The following KRT7 variants were observed in gnomAD, a reference collection of about 807,000 sequenced individuals.
KRT7 encodes the protein keratin, type II cytoskeletal 7.
KRT7 carries 50 observed loss-of-function variants against 42.8 expected under a neutral mutation model. The observed-to-expected ratio is 1.17, with a 90% CI of 0.93 to 1.48. The LOEUF (loss-of-function observed/expected upper bound fraction) is 1.48, where lower values mean the gene tolerates loss of function less well. KRT7 is among the 40% of genes most tolerant of loss of function. The pLI, the probability that KRT7 is intolerant of heterozygous loss-of-function variation, is 0.00. For missense variants in KRT7, 588 were observed against 637.6 expected (o/e 0.92, Z 0.84); for synonymous variants, 268 against 266.3 (o/e 1.01, Z -0.06).
downstream of KRT7, chr12:52,248,936 TG>T (rs1229759583): frequency 7.4e-6 from 4 of 540,206 alleles, no homozygotes; most frequent in African/African-American, 3.9e-5. Flanking sequence ...CCTGGTATCC[TG>T]GCTTCATGAG....
At chr12:52,249,439 T>TG (rs981623119), downstream of KRT7, 7 of 152,068 alleles carry the variant, frequency 4.6e-5, no homozygotes, top group Admixed American at 6.6e-5. Context: ...GTAGTGGTTG[T>TG]GGGGGGGAGG....
downstream of KRT7, chr12:52,252,394 C>T: frequency 6.2e-7 from 1 of 1,614,156 alleles, no homozygotes; most frequent in Non-Finnish European, 8.5e-7. Flanking sequence ...AGGGCACCCT[C>T]CAGCTCGGCC....
chr12:52,252,293 A>G (rs1942277117), downstream of KRT7: 1 of 1,613,892 alleles, frequency 6.2e-7, no homozygotes, highest in Admixed American at 1.7e-5. Flanking sequence ...AGGCGCCTGT[A>G]GGTGGCGATC....
chr12:52,245,476 C>T lies in KRT7; in HGVS notation c.1049C>T (p.Ala350Val). ...CGTGGGGAGCTGGCGCTCAAGGATGCTCGTGCCAAGCAGGAGGAGCTGGAA... is the reference window on the plus strand; with the variant it reads ...CGTGGGGAGCTGGCGCTCAAGGATGTTCGTGCCAAGCAGGAGGAGCTGGAA... ...EERGELALKD[A>V]RAKQEELEAA... The change falls in exon 7 of 9, where the codon GCT becomes GTT. Residue 350 changes from alanine to valine, a missense_variant. Physicochemically the swap from Ala to Val is moderately conservative, Grantham distance 64. Coordinates refer to ENST00000331817, the MANE Select transcript of KRT7 (RefSeq NM_005556.4). 2 of 1,614,002 alleles carry T rather than the reference C, an allele frequency of 1.2e-6. No individual in the cohort carries two copies. Among genetic ancestry groups the T allele is most frequent in the African/African-American group, 1.3e-5 (1 of 75,064 alleles).
At position 52,241,523 on chromosome 12, in the gene KRT7, A is replaced by G. The variant is rs758892036; in HGVS notation, c.745A>G (p.Met249Val). 5 of 1,613,876 alleles carry G rather than the reference A, an allele frequency of 3.1e-6. No homozygotes were observed. The highest frequency in any genetic ancestry group is 1.1e-5 in the South Asian group (1 of 91,040). Reference protein sequence around the residue: ...QISDTSVVLSMDNSRSLDLDG... With the variant: ...QISDTSVVLSVDNSRSLDLDG... The stretch of plus-strand genomic sequence containing the variant: ...CTCCGACACATCTGTGGTGCTGTCC[A>G]TGGACAACAGTCGCTCCCTGGACCT... The change falls in exon 5 of 9, where the codon ATG becomes GTG. Residue 249 changes from methionine to valine, a missense_variant. Met to Val is a conservative substitution (Grantham distance 21). Coordinates refer to ENST00000331817, the MANE Select transcript of KRT7 (RefSeq NM_005556.4).
At position 52,248,642 on chromosome 12, in the gene KRT7, C is replaced by A. The variant is rs145798781; in HGVS notation, c.1292C>A (p.Thr431Asn). ...AGCAGTGGCGGTGGCATTGGGCTGA[C>A]CCTCGGGGGAACCATGGGCAGCAAT... ...GSSSGGGIGLTLGGTMGSNAL... is the reference protein window; with the variant it reads ...GSSSGGGIGLNLGGTMGSNAL... Residue 431 changes from threonine (T) to asparagine (N), a missense_variant, in exon 9 of 9, where the codon ACC becomes AAC. Coordinates refer to ENST00000331817, the MANE Select transcript of KRT7 (RefSeq NM_005556.4). The A allele has an allele frequency of 1.9e-5, 31 of 1,611,184 alleles. No homozygotes were observed. The highest frequency in any genetic ancestry group is 2.6e-5 in the Non-Finnish European group (31 of 1,178,454).
At chr12:52,245,777 C>CT (rs1310394286) in intron 7 of KRT7, 145 bp downstream of exon 7, 4 of 1,054,058 alleles carry the variant, frequency 3.8e-6, no homozygotes, top group African/African-American at 1.6e-5. Context: ...AGAGCTGATG[C>CT]TTGCCTCTTT....
downstream of KRT7, chr12:52,252,491 A>G (rs1490342280): frequency 6.2e-7 from 1 of 1,612,734 alleles, no homozygotes; most frequent in Non-Finnish European, 8.5e-7. Context: ...TCTGGGAGGC[A>G]AGGGAGGGTT....
At chr12:52,237,990 C>A (rs368014591) in intron 3 of KRT7, among the ~76,000 whole-genome samples, 1 of 152,176 alleles carries the variant, frequency 6.6e-6, no homozygotes, top group Non-Finnish European at 1.5e-5. Context: ...AAGCTTGGAA[C>A]GCCTTAGAAG....
downstream of KRT7, chr12:52,252,365 G>A (rs1346411746): frequency 3.1e-6 from 5 of 1,614,104 alleles, no homozygotes; most frequent in African/African-American, 1.3e-5. Flanking sequence ...GGCAGGCCAT[G>A]TCCTGCTTGG....
At position 52,243,110 on chromosome 12, in the gene KRT7, G is replaced by C. The variant is rs1942118172; in HGVS notation, c.957G>C (p.Gln319His). ...SEMNRAIQRL[Q>H]AEIDNIKNQR... ...TGAACCGGGCCATCCAGAGGCTGCA[G>C]GCTGAGATCGACAACATCAAGAACC... The change falls in exon 6 of 9, where the codon CAG (glutamine) becomes CAC (histidine). Residue 319 changes from glutamine to histidine, a missense_variant. Transcript: ENST00000331817. 6.2e-7 allele frequency: 1 copy of C among 1,613,286 alleles called. No individual in the cohort carries two copies. The highest frequency in any genetic ancestry group is 8.5e-7 in the Non-Finnish European group (1 of 1,179,638).
intron 4 of KRT7, among the ~76,000 whole-genome samples, chr12:52,240,694 C>G (rs574297636): frequency 2.6e-4 from 39 of 152,184 alleles, no homozygotes; most frequent in Non-Finnish European, 4.9e-4. Context: ...TTGTGTCTAC[C>G]TTTCCAGACT....
chr12:52,237,469 A>T, intron 2 of KRT7, 40 bp from the exon 3 acceptor site: 1 of 1,479,202 alleles, frequency 6.8e-7, no homozygotes, highest in Non-Finnish European at 9.4e-7. Context: ...GGGAGCATGG[A>T]GGCAAAGCTG....
downstream of KRT7, chr12:52,253,275 TCTC>T (rs1565726352): frequency 1.9e-6 from 3 of 1,612,334 alleles, no homozygotes; most frequent in Non-Finnish European, 2.5e-6. Flanking sequence ...AGCTCGTTGA[TCTC>T]CTCCTTGGTG....
chr12:52,234,050 G>C lies in KRT7; in HGVS notation c.324+430G>C, dbSNP rs549597766. ...GTTGGATGGCACGCCCTTCCCAGAGGGGGAGACCCAGGCTCTCTCAGATGC... is the reference window on the plus strand; with the variant it reads ...GTTGGATGGCACGCCCTTCCCAGAGCGGGAGACCCAGGCTCTCTCAGATGC... On this transcript the variant is annotated intron_variant, in intron 1 of 8. Coordinates refer to ENST00000331817, the MANE Select transcript of KRT7 (RefSeq NM_005556.4). Among the ~76,000 whole-genome samples, 60 of 150,916 alleles carry C rather than the reference G, an allele frequency of 4.0e-4. 1 individual carries two copies. The highest frequency in any genetic ancestry group is 3.4e-3 in the Middle Eastern group (1 of 290).
downstream of KRT7, chr12:52,252,183 A>C (rs1427549611): frequency 3.3e-6 from 5 of 1,528,938 alleles, no homozygotes; most frequent in Non-Finnish European, 4.5e-6. Context: ...ATATGCAGAC[A>C]TGCTCCTGGG....
chr12:52,234,124 G>A (rs1393018562), intron 1 of KRT7, among the ~76,000 whole-genome samples: 6 of 137,962 alleles, frequency 4.3e-5, no homozygotes, highest in Non-Finnish European at 9.4e-5. Flanking sequence ...GGTGGGGCGG[G>A]GGAGGGGGGG....
downstream of KRT7, among the ~76,000 whole-genome samples, chr12:52,250,851 T>C (rs980907966): frequency 7.9e-5 from 12 of 152,246 alleles, no homozygotes; most frequent in African/African-American, 2.9e-4. Context: ...AACAGAGACA[T>C]GTTCTGAGAA....
intron 2 of KRT7, among the ~76,000 whole-genome samples, chr12:52,236,306 G>A (rs1343805204): frequency 2.6e-5 from 4 of 151,974 alleles, no homozygotes; most frequent in African/African-American, 7.3e-5. Flanking sequence ...CCATCATTCA[G>A]CCCCTGTTGT....
Sources: allele counts gnomAD v4.1 joint callset (sites outside exome capture counted in the v4.1 genomes callset), GRCh38; gene constraint gnomAD v4.1.1; transcripts MANE v1.5; gene names NCBI Gene and HGNC (gene_info 2026-07-23, HGNC 2026-07-21).